The following GRAMD1B variants were observed in gnomAD, a reference collection of about 807,000 sequenced individuals.
GRAMD1B encodes GRAM domain containing 1B, also known as protein Aster-B.
A neutral mutation model predicts 99.7 loss-of-function variants in GRAMD1B; 37 were observed. That is an observed-to-expected ratio of 0.37 (90% CI 0.29 to 0.49). The LOEUF (loss-of-function observed/expected upper bound fraction) is 0.49. Among genes scored for constraint, GRAMD1B ranks in the 20% least tolerant of loss-of-function variants. The probability of loss-of-function intolerance (pLI) is 0.98; values close to 1 mark genes in which losing one functional copy is unlikely to be tolerated. For missense variants in GRAMD1B, 888 were observed against 1,009.2 expected (o/e 0.88, Z 1.63); for synonymous variants, 427 against 387.6 (o/e 1.10, Z -1.19).
At chr11:123,432,211 G>A (rs999471649) in intron 1 of GRAMD1B, 8 of 393,156 alleles carry the variant, frequency 2.0e-5, no homozygotes, top group African/African-American at 1.6e-4. Context: ...GGGAAGGATA[G>A]GTAGAGTAAG....
Position 123,423,713 on chromosome 11 carries a change from A to G in GRAMD1B, c.-175-57103A>G, listed in dbSNP as rs530784654. On this transcript the variant is annotated intron_variant, in intron 1 of 20. Coordinates refer to the GRAMD1B transcript ENST00000638157. ...GATATAGCATCATTTATCTCTTTGAAATGTAGTATACTTTAAAAAGTATAA... is the reference window on the plus strand; with the variant it reads ...GATATAGCATCATTTATCTCTTTGAGATGTAGTATACTTTAAAAAGTATAA... Among the ~76,000 whole-genome samples, 94 of 152,248 alleles carry G rather than the reference A, an allele frequency of 6.2e-4. 1 individual carries two copies. Among genetic ancestry groups the G allele is most frequent in the African/African-American group, 2.2e-3 (92 of 41,546 alleles).
rs1475780817 is a variant in GRAMD1B, at chr11:123,595,947, A to T, written c.879A>T (p.Thr293=). The change falls in exon 7 of 20, where the codon ACA becomes ACT. Residue 293 remains threonine, a synonymous_variant. Coordinates refer to ENST00000635736, the MANE Select transcript of GRAMD1B (RefSeq NM_001387025.1). ...TCTGTCCTCTTGGATGCCAGCTGAC[A>T]GTCCGTTTGAAAGACATCTGTTCCA... ...SNIFRWETLL[T]VRLKDICSMT... is the part of the protein sequence containing the mutation. 2 of 1,598,070 alleles carry T rather than the reference A, an allele frequency of 1.3e-6. No individual in the cohort carries two copies.
intron 4 of GRAMD1B, among the ~76,000 whole-genome samples, chr11:123,585,843 A>G (rs1041138272): frequency 1.3e-5 from 2 of 151,728 alleles, no homozygotes; most frequent in African/African-American, 4.8e-5. Flanking sequence ...CTTGTTGCTA[A>G]TCTCCTTCCT....
intron 1 of GRAMD1B, among the ~76,000 whole-genome samples, chr11:123,396,082 G>A (rs1947449083): frequency 6.6e-6 from 1 of 152,058 alleles, no homozygotes; most frequent in Non-Finnish European, 1.5e-5. Flanking sequence ...ACAGAGGAAA[G>A]TTCCTTTCCC....
intron 1 of GRAMD1B, among the ~76,000 whole-genome samples, chr11:123,445,818 C>CAAAAAAAAAAAAAAAAAAAA (rs36123733): frequency 2.1e-5 from 2 of 94,128 alleles, no homozygotes; most frequent in African/African-American, 4.0e-5. Flanking sequence ...CACTTGTCTC[C>CAAAAAAAAAAAAAAAAAAAA]AAAAAAAAAA....
chr11:123,377,836 C>G (rs1946741237), intron 1 of GRAMD1B, among the ~76,000 whole-genome samples: 1 of 152,198 alleles, frequency 6.6e-6, no homozygotes, highest in Admixed American at 6.5e-5. Flanking sequence ...TGCAAAAGAT[C>G]TCAAACTCAA....
intron 2 of GRAMD1B, chr11:123,560,554 C>CT (rs889462142): frequency 1.0e-6 from 1 of 971,710 alleles, no homozygotes; most frequent in African/African-American, 1.7e-5. Context: ...CTCCTCAGGG[C>CT]CCCCGCTCCC....
Position 123,619,170 on chromosome 11 carries a change from T to C in GRAMD1B, c.2490T>C (p.Thr830=). 6.4e-7 allele frequency: 1 copy of C among 1,570,816 alleles called. No individual in the cohort carries two copies. The highest frequency in any genetic ancestry group is 8.6e-7 in the Non-Finnish European group (1 of 1,157,852). The change falls in exon 19 of 20, where the codon ACT becomes ACC. Residue 830 remains threonine (T), a synonymous_variant. Coordinates refer to ENST00000635736, the MANE Select transcript of GRAMD1B (RefSeq NM_001387025.1). ...AGTCCCAACAAAAGTACCACGATACTGAGCTCCAAAAATGGAGGGAAATCA... is the reference window on the plus strand; with the variant it reads ...AGTCCCAACAAAAGTACCACGATACCGAGCTCCAAAAATGGAGGGAAATCA... ...LLESQQKYHD[T]ELQKWREIIK... is the part of the protein sequence containing the mutation.
Position 123,389,535 on chromosome 11 carries a change from C to T in GRAMD1B, c.-176+30736C>T, listed in dbSNP as rs1186732524. ...GATAAGATGAGAAAATGTAATGCAG[C>T]GTCCTGGATGGAATCCTGGAATGGA... is the stretch of plus-strand genomic sequence containing the variant. On this transcript the variant is annotated intron_variant, in intron 1 of 20. Coordinates refer to the GRAMD1B transcript ENST00000638157. Among the ~76,000 whole-genome samples the T allele has an allele frequency of 2.0e-5, 3 of 152,120 alleles. 1 individual carries two copies. Among genetic ancestry groups the T allele is most frequent in the South Asian group, 4.2e-4 (2 of 4,818 alleles).
intron 2 of GRAMD1B, among the ~76,000 whole-genome samples, chr11:123,503,297 CT>C (rs1940078905): frequency 6.6e-6 from 1 of 152,144 alleles, no homozygotes; most frequent in South Asian, 2.1e-4. Flanking sequence ...GGACCAGCTG[CT>C]GACTGGAAGT....
chr11:123,400,470 T>A (rs73605960), intron 1 of GRAMD1B, among the ~76,000 whole-genome samples: 1 of 152,160 alleles, frequency 6.6e-6, no homozygotes, highest in South Asian at 2.1e-4. Context: ...AGAGCGAAAC[T>A]CTGTCTCAAA....
intron 1 of GRAMD1B, among the ~76,000 whole-genome samples, chr11:123,399,904 G>A (rs1281857552): frequency 6.6e-6 from 1 of 152,128 alleles, no homozygotes; most frequent in Non-Finnish European, 1.5e-5. Context: ...ACTGCACCTG[G>A]CCCTTGTATT....
At chr11:123,501,779 A>G (rs907532080) in intron 2 of GRAMD1B, among the ~76,000 whole-genome samples, 2 of 152,212 alleles carry the variant, frequency 1.3e-5, no homozygotes, top group African/African-American at 4.8e-5. Flanking sequence ...TTTCTTAACT[A>G]TCATTTTTGA....
At chr11:123,561,169 G>A (rs1946723798) in intron 2 of GRAMD1B, among the ~76,000 whole-genome samples, 1 of 152,204 alleles carries the variant, frequency 6.6e-6, no homozygotes, top group Non-Finnish European at 1.5e-5. Context: ...AAGGAGGGCA[G>A]AGGAATGAAT....
chr11:123,610,028 C>T lies in GRAMD1B; in HGVS notation c.1776+115C>T. ...TCAGGGCGCAAGTGTCATTTTGCCC[C>T]AAAGCGGTGGTGGCGTCTTGCTTGT... On this transcript the variant is annotated intron_variant, in intron 13 of 19. Coordinates refer to ENST00000635736, the MANE Select transcript of GRAMD1B (RefSeq NM_001387025.1). The surrounding 1 kb of genome is among the most constrained non-coding windows in gnomAD (Gnocchi z 4.1). 1.2e-6 allele frequency: 1 copy of T among 826,670 alleles called. No homozygotes were observed. Among genetic ancestry groups the T allele is most frequent in the Non-Finnish European group, 2.0e-6 (1 of 506,764 alleles). The allele number at this position is 826,670 out of a possible 1,614,324, so 51.2% of individuals were successfully genotyped here.
rs766565214 is a variant in GRAMD1B at position 123,512,703 on chromosome 11, C to CTTT, written c.452+31831_452+31833dup. Among the ~76,000 whole-genome samples the CTTT allele has an allele frequency of 5.1e-3, 521 of 102,990 alleles. 9 individuals carry two copies. Among genetic ancestry groups the CTTT allele is most frequent in the East Asian group, 0.02 (56 of 2,802 alleles). The allele number at this position is 102,990 out of a possible 152,430, so 67.6% of individuals were successfully genotyped here. On this transcript the variant is annotated intron_variant, in intron 2 of 19. Coordinates refer to ENST00000635736, the MANE Select transcript of GRAMD1B (RefSeq NM_001387025.1). ...GTCATTTCAAAGCAGCATTGTGAAT[C>CTTT]TTTTTTTTTTTTTTTTTTTTTTTAA...
chr11:123,571,843 C>T (rs1948139629), intron 2 of GRAMD1B, among the ~76,000 whole-genome samples: 1 of 152,134 alleles, frequency 6.6e-6, no homozygotes, highest in Admixed American at 6.5e-5. Context: ...TCCTACCGTG[C>T]CCTCCTTGAA....
chr11:123,590,655 C>T (rs992327991), intron 4 of GRAMD1B, among the ~76,000 whole-genome samples: 12 of 152,152 alleles, frequency 7.9e-5, no homozygotes, highest in Non-Finnish European at 1.8e-4. Flanking sequence ...GCTGGTCAGG[C>T]GAGCAGAGCA....
intron 1 of GRAMD1B, among the ~76,000 whole-genome samples, chr11:123,416,364 G>C (rs982663360): frequency 2.4e-4 from 37 of 152,066 alleles, no homozygotes; most frequent in African/African-American, 8.7e-4. Flanking sequence ...CTTTAGAAAA[G>C]GCAAGTACAG....
Sources: allele counts gnomAD v4.1 joint callset (sites outside exome capture counted in the v4.1 genomes callset), GRCh38; gene constraint gnomAD v4.1.1; non-coding constraint Gnocchi (gnomAD v3.1); transcripts MANE v1.5; gene names NCBI Gene and HGNC (gene_info 2026-07-23, HGNC 2026-07-21).